The following FAM91A1 variants were observed in gnomAD, a reference collection of about 807,000 sequenced individuals.
The protein encoded by FAM91A1 is family with sequence similarity 91 member A1, also known as protein FAM91A1.
FAM91A1 carries 41 observed loss-of-function variants against 113.5 expected under a neutral mutation model. The observed-to-expected ratio is 0.36, with a 90% CI of 0.28 to 0.47. FAM91A1 has a LOEUF of 0.47. FAM91A1 is among the 20% of genes least tolerant of loss of function. The pLI, the probability that FAM91A1 is intolerant of heterozygous loss-of-function variation, is 1.00. For synonymous variants in FAM91A1, 307 were observed against 347.9 expected (o/e 0.88, Z 1.31); for missense variants, 696 against 1,001.2 (o/e 0.70, Z 4.11).
intron 18 of FAM91A1, among the ~76,000 whole-genome samples, chr8:123,800,244 T>C (rs1367423924): frequency 6.7e-6 from 1 of 149,658 alleles, no homozygotes; most frequent in Non-Finnish European, 1.5e-5. Flanking sequence ...ACCCTATATA[T>C]AGTACGTGTT....
In FAM91A1 at chr8:123,782,121, T is replaced by C. The variant is rs910670463; in HGVS notation, c.703+1579T>C. Among the ~76,000 whole-genome samples the C allele has an allele frequency of 2.6e-5, 4 of 152,328 alleles. No individual in the cohort carries two copies. In the East Asian group the frequency reaches 5.8e-4, roughly 22 times the overall value. On this transcript the variant is annotated intron_variant, in intron 8 of 23. Coordinates refer to ENST00000334705, the MANE Select transcript of FAM91A1 (RefSeq NM_144963.4). ...TTAGAGTAACTTTTAATATTACTTA[T>C]GGCTAAACTAAATTCATTTGAAAAA...
chr8:123,783,327 A>G (rs1248751234), intron 8 of FAM91A1, among the ~76,000 whole-genome samples: 1 of 151,072 alleles, frequency 6.6e-6, no homozygotes, highest in Non-Finnish European at 1.5e-5. Context: ...TGCTATTATT[A>G]TTTACATAGC....
At chr8:123,802,328 T>C (rs1310362717) in intron 18 of FAM91A1, among the ~76,000 whole-genome samples, 2 of 152,168 alleles carry the variant, frequency 1.3e-5, no homozygotes, top group East Asian at 3.8e-4. Flanking sequence ...TGATCAGATA[T>C]CTGAGAGAGA....
intron 2 of FAM91A1, among the ~76,000 whole-genome samples, chr8:123,774,875 C>A (rs890687826): frequency 2.0e-5 from 3 of 152,018 alleles, no homozygotes; most frequent in Admixed American, 2.0e-4. Flanking sequence ...TGTTTTGTAC[C>A]TTTTTGGGGG....
At chr8:123,811,537 A>G (rs13252451) in intron 23 of FAM91A1, 10,732 of 152,230 alleles carry the variant, frequency 0.07, 486 homozygotes, top group Non-Finnish European at 0.11. Context: ...AGATAGGTTG[A>G]TAAAACTTGA....
chr8:123,809,822 A>G (rs907711379), intron 22 of FAM91A1, among the ~76,000 whole-genome samples: 13 of 152,234 alleles, frequency 8.5e-5, no homozygotes, highest in Non-Finnish European at 1.8e-4. Flanking sequence ...AGAACTTTAA[A>G]GATTACCACT....
intron 15 of FAM91A1, among the ~76,000 whole-genome samples, chr8:123,796,684 C>G (rs1035439616): frequency 1.3e-5 from 2 of 150,154 alleles, no homozygotes; most frequent in African/African-American, 2.4e-5. Flanking sequence ...GTCTCGATCT[C>G]CTGACCTCGT....
chr8:123,815,166 A>T lies in FAM91A1; in HGVS notation c.*2462A>T, dbSNP rs1404700438. The T allele has an allele frequency of 6.6e-6, 1 of 152,538 alleles. No individual in the cohort carries two copies. The highest frequency in any genetic ancestry group is 1.5e-5 in the Non-Finnish European group (1 of 68,014). 9.4% of individuals were successfully genotyped at this position (152,538 alleles called of 1,614,324 possible). On this transcript the variant is annotated 3_prime_UTR_variant, in exon 24 of 24. Transcript: ENST00000334705. ...CTTTGTTTCTTTTTTAAATTATGTA[A>T]TCAGATGATTTTATGTTTTTTTTTC...
chr8:123,791,610 A>G (rs748952424), intron 15 of FAM91A1, among the ~76,000 whole-genome samples: 4 of 152,000 alleles, frequency 2.6e-5, no homozygotes, highest in Non-Finnish European at 4.4e-5. Flanking sequence ...TTAAGACCAA[A>G]CCTGCAATTA....
intron 15 of FAM91A1, among the ~76,000 whole-genome samples, chr8:123,794,681 T>C (rs1815465344): frequency 6.6e-6 from 1 of 152,238 alleles, no homozygotes; most frequent in South Asian, 2.1e-4. Context: ...TGATCACTCA[T>C]GGTTCTCTCA....
chr8:123,787,861 T>TA, intron 14 of FAM91A1, 111 bp downstream of exon 14: 1 of 778,340 alleles, frequency 1.3e-6, no homozygotes, highest in Non-Finnish European at 2.0e-6. Flanking sequence ...AGTGTATTCT[T>TA]GCTCGTTCCT....
At chr8:123,808,228 T>C (rs745853430) in intron 20 of FAM91A1, 44 bp from the exon 21 acceptor site, 6 of 1,510,682 alleles carry the variant, frequency 4.0e-6, no homozygotes, top group East Asian at 2.3e-5. Flanking sequence ...CAGCTTCTGC[T>C]AACTGCTAGA....
In FAM91A1 at chr8:123,798,012, T is replaced by A; in HGVS notation, c.1412-78T>A. ...AGAAAATTTAAAATCTTAAGTCAGTTATCAATATTGCATCTTCAACATTTT... is the reference window on the plus strand; with the variant it reads ...AGAAAATTTAAAATCTTAAGTCAGTAATCAATATTGCATCTTCAACATTTT... On this transcript the variant is annotated intron_variant, in intron 15 of 23. Transcript: ENST00000334705. 6.2e-6 allele frequency: 9 copies of A among 1,453,472 alleles called. No individual in the cohort carries two copies. In the South Asian group the frequency reaches 1.2e-4, roughly 19 times the overall value. The allele number at this position is 1,453,472 out of a possible 1,614,324, so 90.0% of individuals were successfully genotyped here.
At chr8:123,785,368 GTAGTGAGGTCCGTTAAAGCAACAAC>G (rs1306415552) in intron 10 of FAM91A1, among the ~76,000 whole-genome samples, 11 of 152,192 alleles carry the variant, frequency 7.2e-5, no homozygotes, top group African/African-American at 2.7e-4. Flanking sequence ...GCAGTATCTT[GTAGTGAGGTCCGTTAAAGCAACAAC>G]TCCTGCTTCA....
chr8:123,800,283 T>A (rs1815642196), intron 18 of FAM91A1, among the ~76,000 whole-genome samples: 1 of 151,318 alleles, frequency 6.6e-6, no homozygotes, highest in Admixed American at 6.6e-5. Flanking sequence ...TATATATAAA[T>A]ACCTGGGATA....
intron 1 of FAM91A1, among the ~76,000 whole-genome samples, chr8:123,769,052 G>A (rs554734580): frequency 1.3e-5 from 2 of 152,328 alleles, no homozygotes; most frequent in Admixed American, 6.5e-5. Flanking sequence ...AGGCACCTGC[G>A]ATAGAGATTT....
At chr8:123,805,955 G>T in intron 19 of FAM91A1, 125 bp from the exon 20 acceptor site, 1 of 899,782 alleles carries the variant, frequency 1.1e-6, no homozygotes, top group South Asian at 4.3e-5. Context: ...TTTCTTTTTT[G>T]GAATCAATTA....
chr8:123,770,668 T>C (rs1045249143), intron 1 of FAM91A1, among the ~76,000 whole-genome samples: 3 of 152,230 alleles, frequency 2.0e-5, no homozygotes, highest in Non-Finnish European at 1.5e-5. Context: ...AGTGATGAGA[T>C]TATATCCAAC....
chr8:123,809,050 T>A (rs1170160765), intron 22 of FAM91A1, 34 bp downstream of exon 22: 4 of 1,602,878 alleles, frequency 2.5e-6, no homozygotes, highest in African/African-American at 1.3e-5. Context: ...TATTTTCATA[T>A]CAATTTTTAA....
Sources: gnomAD v4.1 joint callset for allele counts (sites outside exome capture counted in the v4.1 genomes callset) on GRCh38, gnomAD v4.1.1 for gene constraint, MANE v1.5 for transcripts, NCBI Gene and HGNC (gene_info 2026-07-23, HGNC 2026-07-21) for gene names.